Variants in DACH1 observed in about 807,000 individuals in gnomAD.
DACH1 encodes dachshund family transcription factor 1, also known as dachshund homolog 1.
Under a neutral mutation model 54.2 loss-of-function variants are expected in DACH1, and 12 were observed. The observed-to-expected ratio is 0.22, with a 90% CI of 0.14 to 0.36. The LOEUF (loss-of-function observed/expected upper bound fraction) is 0.36, where lower values mean the gene tolerates loss of function less well. DACH1 is among the 10% of genes least tolerant of loss of function. DACH1 has a pLI of 1.00. For synonymous variants in DACH1, 386 were observed against 366.2 expected (o/e 1.05, Z -0.62); for missense variants, 805 against 929.8 (o/e 0.87, Z 1.75).
At chr13:71,825,988 C>T (rs1368170408) in intron 1 of DACH1, among the ~76,000 whole-genome samples, 4 of 152,032 alleles carry the variant, frequency 2.6e-5, no homozygotes, top group Non-Finnish European at 5.9e-5. Context: ...ACATGTAAAG[C>T]TAAAGAGATG....
chr13:71,707,519 A>C (rs971218811), intron 1 of DACH1, among the ~76,000 whole-genome samples: 6 of 152,182 alleles, frequency 3.9e-5, no homozygotes, highest in Non-Finnish European at 7.3e-5. Flanking sequence ...TGGCAAGGGA[A>C]AAGAAAGTAA....
chr13:71,647,803 G>C (rs767897134), intron 2 of DACH1, among the ~76,000 whole-genome samples: 19 of 152,258 alleles, frequency 1.2e-4, no homozygotes, highest in South Asian at 2.1e-4. Flanking sequence ...GAATATTAAA[G>C]AAAATAGCTA....
At chr13:71,711,095 C>T (rs1447980860) in intron 1 of DACH1, among the ~76,000 whole-genome samples, 1 of 152,048 alleles carries the variant, frequency 6.6e-6, no homozygotes, top group East Asian at 1.9e-4. Flanking sequence ...AAGCAATACA[C>T]GTTTAGGTCA....
Position 71,762,724 on chromosome 13 carries a change from G to A in DACH1, c.849-80814C>T, listed in dbSNP as rs578003591. 5.6e-4 allele frequency among the ~76,000 whole-genome samples: 76 copies of A among 136,874 alleles called. No homozygotes were observed. The Middle Eastern group carries it at 0.015, about 26-fold the overall frequency. 89.8% of individuals were successfully genotyped at this position (136,874 alleles called of 152,430 possible). ...GGAGATTGCAGTGAGCTGAGATTGC[G>A]CTGTTGCACTCCAGCCTTGGGCAAC... On this transcript the variant is annotated intron_variant, in intron 1 of 10. Transcript: ENST00000613252.
intron 1 of DACH1, among the ~76,000 whole-genome samples, chr13:71,698,787 TCTTTA>T (rs375837038): frequency 0.014 from 2,077 of 152,276 alleles, 32 homozygotes; most frequent in African/African-American, 0.035. Context: ...TGTTATTAAA[TCTTTA>T]CTTTCTTACT....
intron 3 of DACH1, among the ~76,000 whole-genome samples, chr13:71,629,494 T>C (rs1790582549): frequency 6.6e-6 from 1 of 152,176 alleles, no homozygotes; most frequent in African/African-American, 2.4e-5. Context: ...TTTGTCTATA[T>C]ATTTTACTCT....
chr13:71,694,924 G>A (rs1881743324), intron 1 of DACH1, among the ~76,000 whole-genome samples: 1 of 152,104 alleles, frequency 6.6e-6, no homozygotes, highest in Non-Finnish European at 1.5e-5. Context: ...TTCTGGGATG[G>A]AAATACTATT....
At chr13:71,749,423 G>A (rs958331439) in intron 1 of DACH1, among the ~76,000 whole-genome samples, 11 of 151,736 alleles carry the variant, frequency 7.2e-5, no homozygotes, top group African/African-American at 2.7e-4. Context: ...GATTTTTTTT[G>A]AGGGGGGGGC....
chr13:71,716,966 AT>A (rs1459317701), intron 1 of DACH1, among the ~76,000 whole-genome samples: 3 of 152,094 alleles, frequency 2.0e-5, no homozygotes, highest in Non-Finnish European at 4.4e-5. Context: ...GTAATTAACT[AT>A]TTTTTTAAAG....
In DACH1 at chr13:71,839,408, T is replaced by C. The variant is rs570439815; in HGVS notation, c.848+26514A>G. ...GGATAATGAGGTCAGGAGATCAAGA[T>C]CATCCTGGCTAATACGGTGAAACCC... On this transcript the variant is annotated intron_variant, in intron 1 of 10. Coordinates refer to ENST00000613252, the MANE Select transcript of DACH1 (RefSeq NM_080759.6). 3.3e-5 allele frequency among the ~76,000 whole-genome samples: 5 copies of C among 152,068 alleles called. No individual in the cohort carries two copies. In the South Asian group the frequency reaches 8.3e-4, roughly 25 times the overall value.
intron 1 of DACH1, among the ~76,000 whole-genome samples, chr13:71,860,150 T>C (rs931149413): frequency 6.6e-6 from 1 of 151,486 alleles, no homozygotes; most frequent in Non-Finnish European, 1.5e-5. Flanking sequence ...AGCTAGAATA[T>C]TCAAACTACA....
chr13:71,769,877 TA>T (rs896603429), intron 1 of DACH1, among the ~76,000 whole-genome samples: 5 of 151,590 alleles, frequency 3.3e-5, no homozygotes, highest in African/African-American at 1.2e-4. Flanking sequence ...TTTACATGAA[TA>T]AAAAAAGAGG....
chr13:71,707,574 G>A (rs1274271025), intron 1 of DACH1, among the ~76,000 whole-genome samples: 1 of 152,102 alleles, frequency 6.6e-6, no homozygotes, highest in Non-Finnish European at 1.5e-5. Flanking sequence ...ACAAAGGCAT[G>A]ACATAATATT....
chr13:71,458,253 C>T, intron 10 of DACH1, among the ~76,000 whole-genome samples: 1 of 151,646 alleles, frequency 6.6e-6, no homozygotes. Flanking sequence ...TGAATCTGTC[C>T]AATTCCATAC....
chr13:71,475,180 G>A lies in DACH1; in HGVS notation c.2044C>T (p.Arg682Cys), dbSNP rs200697835. 9.9e-4 allele frequency: 1,590 copies of A among 1,613,692 alleles called. 2 individuals are homozygous for A. Among genetic ancestry groups the A allele is most frequent in the Non-Finnish European group, 1.2e-3 (1,397 of 1,179,864 alleles). Residue 682 changes from arginine to cysteine, a missense_variant, in exon 10 of 11, where the codon CGC becomes TGC. This residue lies in a region of DACH1 where 472 missense variants were observed against 545.3 expected (regional missense o/e 0.87). Transcript: ENST00000613252. ...DSLTPEIEAD[R>C]SGGRTDAERT... ...TCAGCATCTGTTCTGCCGCCACTGCGGTCAGCCTCTATCTCTGGGGTCAGA... is the reference window on the plus strand; with the variant it reads ...TCAGCATCTGTTCTGCCGCCACTGCAGTCAGCCTCTATCTCTGGGGTCAGA...
intron 2 of DACH1, among the ~76,000 whole-genome samples, chr13:71,648,223 T>G (rs111752269): frequency 8.5e-5 from 13 of 152,334 alleles, no homozygotes; most frequent in African/African-American, 3.1e-4. Flanking sequence ...ATCTTTGAGC[T>G]ATATCAAATA....
At chr13:71,588,128 G>A (rs1373577777) in intron 3 of DACH1, among the ~76,000 whole-genome samples, 1 of 151,998 alleles carries the variant, frequency 6.6e-6, no homozygotes, top group African/African-American at 2.4e-5. Flanking sequence ...GGTTTAGATG[G>A]GAACGGATGA....
At chr13:71,815,963 T>C (rs1476766342) in intron 1 of DACH1, among the ~76,000 whole-genome samples, 3 of 151,806 alleles carry the variant, frequency 2.0e-5, no homozygotes, top group African/African-American at 7.3e-5. Context: ...CGGGCGCCTG[T>C]AGTCCCAGCT....
chr13:71,865,139 C>A (rs945131325), intron 1 of DACH1, among the ~76,000 whole-genome samples: 1 of 152,098 alleles, frequency 6.6e-6, no homozygotes, highest in Non-Finnish European at 1.5e-5. Flanking sequence ...GCATCTGCCC[C>A]GGGGCCACCG....
Sources: allele counts gnomAD v4.1 joint callset (sites outside exome capture counted in the v4.1 genomes callset), GRCh38; gene constraint gnomAD v4.1.1; regional missense constraint gnomAD v4.1.1; transcripts MANE v1.5; gene names NCBI Gene and HGNC (gene_info 2026-07-23, HGNC 2026-07-21).